SLC5A8: variants seen among roughly 807,000 people sequenced by gnomAD.
SLC5A8 encodes sodium-coupled monocarboxylate transporter 1.
Under a neutral mutation model 71.9 loss-of-function variants are expected in SLC5A8, and 55 were observed. The observed-to-expected ratio is 0.77, with a 90% confidence interval of 0.62 to 0.96. The LOEUF (loss-of-function observed/expected upper bound fraction) is 0.96. SLC5A8 is among the 40% of genes least tolerant of loss of function. The probability of loss-of-function intolerance (pLI) is 0.00; values close to 1 mark genes in which losing one functional copy is unlikely to be tolerated. For synonymous variants in SLC5A8, 307 were observed against 276.1 expected (o/e 1.11, Z -1.11); for missense variants, 701 against 745.3 (o/e 0.94, Z 0.69).
At chr12:101,158,208 AGC>A in intron 14 of SLC5A8, 39 bp downstream of exon 14, 1 of 1,369,032 alleles carries the variant, frequency 7.3e-7, no homozygotes, top group South Asian at 1.2e-5. Context: ...CAGGTAATAA[AGC>A]CCAGTTTCCT....
At chr12:101,161,903 T>C in intron 13 of SLC5A8, 71 bp downstream of exon 13, 4 of 1,053,400 alleles carry the variant, frequency 3.8e-6, no homozygotes, top group Non-Finnish European at 4.4e-6. Flanking sequence ...ATAACATAAA[T>C]AGCTATAAAA....
At chr12:101,185,034 T>G (rs191288958) in intron 7 of SLC5A8, among the ~76,000 whole-genome samples, 1 of 152,318 alleles carries the variant, frequency 6.6e-6, no homozygotes, top group Admixed American at 6.5e-5. Flanking sequence ...TCTCCCACAG[T>G]ACAGAGTAGA....
rs2051660399 is a variant in SLC5A8 at position 101,156,232 on chromosome 12, TTTAA to T, written c.*1043_*1046del. 6.6e-6 allele frequency: 1 copy of T among 152,230 alleles called. No individual in the cohort carries two copies. The highest frequency in any genetic ancestry group is 1.5e-5 in the Non-Finnish European group (1 of 68,042). 9.4% of individuals were successfully genotyped at this position (152,230 alleles called of 1,614,324 possible). A position where few individuals can be genotyped will look rare whatever the true frequency, so the allele number is the denominator to read the frequency against. The stretch of plus-strand genomic sequence containing the variant: ...TTCAAAATTTCTAGGCATATGTATC[TTTAA>T]TTGATTGCAAATTAGTTGACATTCA... On this transcript the variant is annotated 3_prime_UTR_variant, in exon 15 of 15. Coordinates refer to ENST00000536262, the MANE Select transcript of SLC5A8 (RefSeq NM_145913.5).
Position 101,210,035 on chromosome 12 carries a change from C to T in SLC5A8, c.-187G>A. 1.9e-6 allele frequency: 1 copy of T among 513,426 alleles called. No homozygotes were observed. Among genetic ancestry groups the T allele is most frequent in the Non-Finnish European group, 3.3e-6 (1 of 301,752 alleles). 31.8% of individuals were successfully genotyped at this position (513,426 alleles called of 1,614,324 possible). On this transcript the variant is annotated 5_prime_UTR_variant, in exon 1 of 15. Coordinates refer to ENST00000536262, the MANE Select transcript of SLC5A8 (RefSeq NM_145913.5). ...GCGGGGTGAGGGCTGGCAGTCGCCCCTGCACCCGCCGCTGCGAGCCGCGCC... is the reference window on the plus strand; with the variant it reads ...GCGGGGTGAGGGCTGGCAGTCGCCCTTGCACCCGCCGCTGCGAGCCGCGCC...
chr12:101,194,159 C>T (rs1020323252), intron 4 of SLC5A8, among the ~76,000 whole-genome samples: 2 of 152,160 alleles, frequency 1.3e-5, no homozygotes, highest in Non-Finnish European at 2.9e-5. Flanking sequence ...TTTTATCCTA[C>T]AGGCAGAGGT....
At chr12:101,182,679 A>G (rs1182483319) in intron 9 of SLC5A8, 124 bp downstream of exon 9, 1 of 628,612 alleles carries the variant, frequency 1.6e-6, no homozygotes, top group African/African-American at 2.0e-5. Flanking sequence ...TCATAGGCAT[A>G]CATATGTGGA....
At chr12:101,193,543 T>C (rs1869017864) in intron 5 of SLC5A8, 82 bp downstream of exon 5, 2 of 1,472,596 alleles carry the variant, frequency 1.4e-6, no homozygotes, top group African/African-American at 2.9e-5. Context: ...TGTTTTTTAA[T>C]GTAAATCTAC....
chr12:101,205,657 T>G (rs1044316262), intron 1 of SLC5A8, among the ~76,000 whole-genome samples: 1 of 152,172 alleles, frequency 6.6e-6, no homozygotes, highest in African/African-American at 2.4e-5. Context: ...GAGTACTTGC[T>G]GTGTGCATGG....
intron 10 of SLC5A8, among the ~76,000 whole-genome samples, chr12:101,172,054 T>C (rs1394943726): frequency 6.6e-6 from 1 of 152,000 alleles, no homozygotes; most frequent in Admixed American, 6.6e-5. Flanking sequence ...CTGGGGACAC[T>C]GTGTGTGCTG....
rs903476914 is a variant in SLC5A8, at chr12:101,168,048, G to A, written c.1320+48C>T. 5 of 1,521,336 alleles carry A rather than the reference G, an allele frequency of 3.3e-6. No individual in the cohort carries two copies. The African/African-American group carries it at 6.9e-5, about 21-fold the overall frequency. The allele number at this position is 1,521,336 out of a possible 1,614,324, so 94.2% of individuals were successfully genotyped here. A position where few individuals can be genotyped will look rare whatever the true frequency, so the allele number is the denominator to read the frequency against. On this transcript the variant is annotated intron_variant, in intron 11 of 14. Transcript: ENST00000536262. The stretch of plus-strand genomic sequence containing the variant: ...CTGAGAAAAAAGTGTAGAGCTGCTA[G>A]TATAGTTCAAAAAGTAATCCTCAAG...
At chr12:101,189,621 T>C (rs1429576433) in intron 6 of SLC5A8, among the ~76,000 whole-genome samples, 1 of 152,058 alleles carries the variant, frequency 6.6e-6, no homozygotes, top group African/African-American at 2.4e-5. Flanking sequence ...CCAGCCACCA[T>C]TCCACACTCT....
At chr12:101,165,655 A>C (rs1466285839) in intron 12 of SLC5A8, among the ~76,000 whole-genome samples, 1 of 152,134 alleles carries the variant, frequency 6.6e-6, no homozygotes, top group Non-Finnish European at 1.5e-5. Context: ...CCAGAACACA[A>C]ATTGCTAATA....
chr12:101,185,652 C>T (rs1868601883), intron 7 of SLC5A8, among the ~76,000 whole-genome samples: 1 of 152,144 alleles, frequency 6.6e-6, no homozygotes, highest in Admixed American at 6.5e-5. Context: ...GATCTCGGCT[C>T]ACTGCAATCT....
intron 10 of SLC5A8, among the ~76,000 whole-genome samples, chr12:101,174,398 C>G (rs2051859988): frequency 6.6e-6 from 1 of 152,184 alleles, no homozygotes; most frequent in Admixed American, 6.5e-5. Flanking sequence ...GGGCCAGATA[C>G]AGTCAGGGGG....
In SLC5A8 at chr12:101,184,175, A is replaced by T; in HGVS notation, c.1011T>A (p.Leu337=). ...AAGCACAGGCCACAAAAAGTCCAGG[A>T]AGTCCTGGATAATCTTGCAGAATGT... ...VLDILQDYPG[L]PGLFVACAYS... The change falls in exon 8 of 15, where the codon CTT becomes CTA. Residue 337 remains leucine, a synonymous_variant. Transcript: ENST00000536262. 6.2e-7 allele frequency: 1 copy of T among 1,614,230 alleles called. No individual in the cohort carries two copies. The highest frequency in any genetic ancestry group is 8.5e-7 in the Non-Finnish European group (1 of 1,180,038).
At chr12:101,165,690 C>T (rs2051762207) in intron 12 of SLC5A8, among the ~76,000 whole-genome samples, 1 of 152,164 alleles carries the variant, frequency 6.6e-6, no homozygotes, top group Non-Finnish European at 1.5e-5. Context: ...GATCACGTTC[C>T]TTCTCTCAGG....
In SLC5A8 at chr12:101,168,134, A is replaced by G. The variant is rs768092412; in HGVS notation, c.1282T>C (p.Phe428Leu). The change falls in exon 11 of 15, where the codon TTC (phenylalanine) becomes CTC (leucine). Residue 428 changes from phenylalanine to leucine, a missense_variant. Phe to Leu is a conservative substitution (Grantham distance 22). Transcript: ENST00000536262. ...GMVGGPLMGL[F>L]ALGILVPFAN... The stretch of plus-strand genomic sequence containing the variant: ...AAGGGAACCAAAATGCCCAAAGCGA[A>G]CAGGCCCATAAGTGGTCCACCAACC... 5 of 1,610,366 alleles carry G rather than the reference A, an allele frequency of 3.1e-6. No individual in the cohort carries two copies. Among genetic ancestry groups the G allele is most frequent in the African/African-American group, 1.3e-5 (1 of 74,900 alleles).
At chr12:101,167,340 A>G (rs117365259) in intron 11 of SLC5A8, among the ~76,000 whole-genome samples, 1,927 of 152,302 alleles carry the variant, frequency 0.013, 20 homozygotes, top group Admixed American at 0.024. Flanking sequence ...CTGCCTTACC[A>G]ATTCCTAATG....
intron 8 of SLC5A8, 145 bp downstream of exon 8, chr12:101,183,989 C>A (rs1767267088): frequency 1.4e-6 from 1 of 709,190 alleles, no homozygotes; most frequent in Non-Finnish European, 2.4e-6. Context: ...TAAGTCAGAC[C>A]ACAGAGAGGA....
Sources: gnomAD v4.1 joint callset for allele counts (sites outside exome capture counted in the v4.1 genomes callset) on GRCh38, gnomAD v4.1.1 for gene constraint, MANE v1.5 for transcripts, NCBI Gene and HGNC (gene_info 2026-07-23, HGNC 2026-07-21) for gene names.